Variants in TMEM116 observed in about 807,000 individuals in gnomAD.
TMEM116 encodes transmembrane protein 116.
Under a neutral mutation model 44.3 loss-of-function variants are expected in TMEM116, and 38 were observed. That is an observed-to-expected ratio of 0.86 (90% CI 0.66 to 1.12). The LOEUF is 1.12. TMEM116 is among the 50% of genes most tolerant of loss of function. The probability of loss-of-function intolerance (pLI) is 0.00; values close to 1 mark genes in which losing one functional copy is unlikely to be tolerated. For missense variants in TMEM116, 354 were observed against 401.7 expected (o/e 0.88, Z 1.01); for synonymous variants, 132 against 144.8 (o/e 0.91, Z 0.64).
chr12:112,003,706 G>A, intron 3 of TMEM116, 94 bp downstream of exon 3: 2 of 1,441,108 alleles, frequency 1.4e-6, no homozygotes, highest in Non-Finnish European at 1.8e-6. Context: ...GTAATTCATA[G>A]AATTATTTCA....
Position 111,932,659 on chromosome 12 carries a change from G to A in TMEM116, c.734C>T (p.Ala245Val). ...CAGCTTTATGATCATTAGAATGACA[G>A]CTGTGAATACACAAAGTGTAAACCT... is the stretch of plus-strand genomic sequence containing the variant. ...PVAFFCCWGP[A>V]VILMIIKLTK... Residue 245 changes from alanine (A) to valine (V), a missense_variant and splice_region_variant, in exon 10 of 11, where the codon GCT becomes GTT. By Grantham distance (64) the Ala-to-Val change is moderately conservative (BLOSUM62 0). Coordinates refer to ENST00000552374, the MANE Select transcript of TMEM116 (RefSeq NM_001193531.2). The A allele has an allele frequency of 6.2e-7, 1 of 1,613,726 alleles. No individual in the cohort carries two copies. Among genetic ancestry groups the A allele is most frequent in the Non-Finnish European group, 8.5e-7 (1 of 1,179,610 alleles).
intron 4 of TMEM116, among the ~76,000 whole-genome samples, chr12:111,951,427 C>T (rs764834591): frequency 1.3e-5 from 2 of 152,182 alleles, no homozygotes; most frequent in Admixed American, 1.3e-4. Flanking sequence ...AAATGTCCAT[C>T]AATGGTAGAC....
intron 4 of TMEM116, among the ~76,000 whole-genome samples, chr12:111,972,382 T>G (rs1016079): frequency 0.2 from 29,765 of 152,054 alleles, 3,122 homozygotes; most frequent in Middle Eastern, 0.27. Flanking sequence ...AAATCCACAA[T>G]TATAGTCAGA....
chr12:111,967,901 G>A (rs1308234630), intron 4 of TMEM116, among the ~76,000 whole-genome samples: 1 of 152,100 alleles, frequency 6.6e-6, no homozygotes, highest in Non-Finnish European at 1.5e-5. Context: ...TGAATAAAGT[G>A]AACTCTTTAA....
intron 4 of TMEM116, among the ~76,000 whole-genome samples, chr12:111,961,412 T>C (rs1208542797): frequency 6.6e-6 from 1 of 152,190 alleles, no homozygotes; most frequent in Non-Finnish European, 1.5e-5. Context: ...TGAACATCGA[T>C]GCGAAAATCC....
Position 111,932,649 on chromosome 12 carries a change from T to A in TMEM116, c.744A>T (p.Leu248=), listed in dbSNP as rs1365971325. The A allele has an allele frequency of 6.2e-7, 1 of 1,614,006 alleles. No individual in the cohort carries two copies. The highest frequency in any genetic ancestry group is 1.7e-5 in the Admixed American group (1 of 60,030). Residue 248 remains leucine (L), a synonymous_variant, in exon 10 of 11, where the codon CTA becomes CTT. Coordinates refer to ENST00000552374, the MANE Select transcript of TMEM116 (RefSeq NM_001193531.2). The stretch of plus-strand genomic sequence containing the variant: ...GTGGCTTAGTCAGCTTTATGATCAT[T>A]AGAATGACAGCTGTGAATACACAAA... The part of the protein sequence containing the change: ...FFCCWGPAVI[L]MIIKLTKPQD...
intron 4 of TMEM116, among the ~76,000 whole-genome samples, chr12:111,957,128 A>AGCCAGCCGCCCC (rs2074174634): frequency 9.5e-6 from 1 of 104,946 alleles, no homozygotes; most frequent in Non-Finnish European, 2.0e-5. Context: ...CCGGCCGCCC[A>AGCCAGCCGCCCC]GTCTGGGAAG....
chr12:111,984,578 C>T (rs1289200888), intron 4 of TMEM116, among the ~76,000 whole-genome samples: 2 of 151,978 alleles, frequency 1.3e-5, no homozygotes, highest in Non-Finnish European at 2.9e-5. Flanking sequence ...CTTAATTGTA[C>T]ATTTTAAAAG....
At chr12:111,939,451 C>CAA (rs34320561) in intron 5 of TMEM116, among the ~76,000 whole-genome samples, 10 of 72,026 alleles carry the variant, frequency 1.4e-4, no homozygotes, top group Admixed American at 1.5e-4. Context: ...GAATCCGTCT[C>CAA]AAAAAAAAAA....
chr12:111,981,026 G>A (rs532394203), intron 4 of TMEM116, among the ~76,000 whole-genome samples: 4 of 150,338 alleles, frequency 2.7e-5, no homozygotes, highest in East Asian at 3.9e-4. Flanking sequence ...GTGAGCAGTC[G>A]TTGTGCCACT....
At chr12:112,011,433 T>C (rs1421567209) in intron 1 of TMEM116, 1 of 152,262 alleles carries the variant, frequency 6.6e-6, no homozygotes, top group Non-Finnish European at 1.5e-5. Context: ...CTGTTGACTA[T>C]TTATACACAT....
chr12:111,993,764 T>C, intron 3 of TMEM116: 2 of 709,300 alleles, frequency 2.8e-6, no homozygotes. Context: ...ACAGAGGAGC[T>C]GGTTGTAACA....
At chr12:111,940,565 G>GTATATATATATATATATATATA (rs1182152145) in intron 5 of TMEM116, among the ~76,000 whole-genome samples, 27 of 127,916 alleles carry the variant, frequency 2.1e-4, no homozygotes, top group African/African-American at 8.2e-4. Flanking sequence ...ATATATATGT[G>GTATATATATATATATATATATA]TGTATATATA....
chr12:111,986,452 AC>A (rs1257616002), intron 4 of TMEM116, among the ~76,000 whole-genome samples: 1 of 152,156 alleles, frequency 6.6e-6, no homozygotes, highest in African/African-American at 2.4e-5. Flanking sequence ...AATAAATCCT[AC>A]ATATATAATC....
chr12:111,946,153 T>G (rs955288123), intron 4 of TMEM116, among the ~76,000 whole-genome samples: 4 of 152,234 alleles, frequency 2.6e-5, no homozygotes, highest in African/African-American at 9.6e-5. Flanking sequence ...AATTGTTCCA[T>G]GTAACCAGAC....
At chr12:111,985,966 C>T (rs2076206745) in intron 4 of TMEM116, among the ~76,000 whole-genome samples, 1 of 151,888 alleles carries the variant, frequency 6.6e-6, no homozygotes, top group African/African-American at 2.4e-5. Flanking sequence ...CAATCCCTAT[C>T]AAAATCCCAA....
chr12:112,005,964 C>T (rs944326818), intron 1 of TMEM116: 61 of 985,736 alleles, frequency 6.2e-5, no homozygotes, highest in Non-Finnish European at 7.2e-5. Flanking sequence ...CCCAACTGTC[C>T]TCCAGAATGC....
At chr12:112,010,976 CTT>C in intron 1 of TMEM116, 1 of 152,452 alleles carries the variant, frequency 6.6e-6, no homozygotes, top group African/African-American at 2.4e-5. Context: ...GACTCACCCA[CTT>C]CTACCCTGGA....
At position 111,931,834 on chromosome 12, in the gene TMEM116, G is replaced by A. The variant is rs777379205; in HGVS notation, c.808-7C>T. The A allele has an allele frequency of 6.7e-7, 1 of 1,499,244 alleles. No individual in the cohort carries two copies. Among genetic ancestry groups the A allele is most frequent in the Non-Finnish European group, 8.9e-7 (1 of 1,127,326 alleles). 92.9% of individuals were successfully genotyped at this position (1,499,244 alleles called of 1,614,324 possible). On this transcript the variant is annotated splice_region_variant and splice_polypyrimidine_tract_variant and intron_variant, in intron 10 of 10. Transcript: ENST00000552374. ...GAGATGTTGCCGTTAGAGCCTGGAG[G>A]AGATGAAGGGGTGATGCAGCCCATG...
Sources: allele counts gnomAD v4.1 joint callset (sites outside exome capture counted in the v4.1 genomes callset), GRCh38; gene constraint gnomAD v4.1.1; transcripts MANE v1.5; gene names NCBI Gene and HGNC (gene_info 2026-07-23, HGNC 2026-07-21).